Variants in SYT1 observed in about 807,000 individuals in gnomAD.
The protein encoded by SYT1 is synaptotagmin-1.
SYT1 carries 8 observed loss-of-function variants against 44.8 expected under a neutral mutation model. The observed-to-expected ratio is 0.18, with a 90% confidence interval of 0.10 to 0.32. The LOEUF (loss-of-function observed/expected upper bound fraction) is 0.32. Among genes scored for constraint, SYT1 ranks in the 10% least tolerant of loss-of-function variants. The pLI, the probability that SYT1 is intolerant of heterozygous loss-of-function variation, is 1.00. For synonymous variants in SYT1, 154 were observed against 188.8 expected (o/e 0.82, Z 1.51); for missense variants, 286 against 509.3 (o/e 0.56, Z 4.22).
At chr12:79,362,428 A>G (rs1883352776) in intron 9 of SYT1, among the ~76,000 whole-genome samples, 1 of 152,102 alleles carries the variant, frequency 6.6e-6, no homozygotes, top group African/African-American at 2.4e-5. Flanking sequence ...CTTTTTTGCT[A>G]CCCCAAAAAA....
At chr12:79,161,687 G>T (rs1870959476) in intron 3 of SYT1, among the ~76,000 whole-genome samples, 1 of 152,152 alleles carries the variant, frequency 6.6e-6, no homozygotes, top group African/African-American at 2.4e-5. Context: ...CTGAGGTTTA[G>T]TAACATTCCC....
chr12:79,073,692 A>G (rs777896208), intron 3 of SYT1, among the ~76,000 whole-genome samples: 2 of 151,954 alleles, frequency 1.3e-5, no homozygotes, highest in African/African-American at 2.4e-5. Flanking sequence ...AGAAAAGCAA[A>G]TTTTTGCTTA....
At chr12:79,307,528 C>T (rs1310685883) in intron 8 of SYT1, among the ~76,000 whole-genome samples, 3 of 151,894 alleles carry the variant, frequency 2.0e-5, no homozygotes, top group African/African-American at 7.3e-5. Context: ...CTGGAGTCCT[C>T]CCAGGAGCCA....
intron 3 of SYT1, among the ~76,000 whole-genome samples, chr12:79,105,751 G>A (rs544962371): frequency 2.6e-5 from 4 of 152,022 alleles, no homozygotes; most frequent in East Asian, 1.9e-4. Flanking sequence ...CTGGTGGCGG[G>A]CGCCTGTAGT....
At chr12:79,293,067 C>A (rs1206869640) in intron 6 of SYT1, among the ~76,000 whole-genome samples, 2 of 151,038 alleles carry the variant, frequency 1.3e-5, no homozygotes, top group Admixed American at 1.3e-4. Context: ...AATCCCAGCA[C>A]TTTGGGAGGC....
At chr12:79,198,143 G>T (rs539129701) in intron 3 of SYT1, among the ~76,000 whole-genome samples, 4 of 152,130 alleles carry the variant, frequency 2.6e-5, no homozygotes, top group African/African-American at 7.2e-5. Flanking sequence ...AATTAATTAG[G>T]AGGGAAAACA....
intron 9 of SYT1, among the ~76,000 whole-genome samples, chr12:79,370,778 TAAAAATA>T (rs1411961360): frequency 2.6e-5 from 4 of 151,252 alleles, no homozygotes; most frequent in East Asian, 3.9e-4. Flanking sequence ...ATAATAATAA[TAAAAATA>T]AAAAATAAAA....
In SYT1 at chr12:79,377,097, A is replaced by ATTTT. The variant is rs1884024604; in HGVS notation, c.928+23481_928+23484dup. On this transcript the variant is annotated intron_variant, in intron 9 of 10. Transcript: ENST00000261205. ...TCCCTTTTAGAGATGTTTATGTAAC[A>ATTTT]TTTTTTGTTTTTTTGTTTTGTTTTG... 3.6e-5 allele frequency among the ~76,000 whole-genome samples: 3 copies of ATTTT among 83,656 alleles called. No homozygotes were observed. In the South Asian group the frequency reaches 1.1e-3, roughly 31 times the overall value. The allele number at this position is 83,656 out of a possible 152,430, so 54.9% of individuals were successfully genotyped here. A position where few individuals can be genotyped will look rare whatever the true frequency, so the allele number is the denominator to read the frequency against.
At chr12:79,061,800 T>G (rs1004972037) in intron 3 of SYT1, among the ~76,000 whole-genome samples, 3 of 152,118 alleles carry the variant, frequency 2.0e-5, no homozygotes, top group Non-Finnish European at 4.4e-5. Context: ...ATGGGATGAT[T>G]GGTTAAAGTT....
rs1447073818 is a variant in SYT1, at chr12:79,066,741, A to G, written c.-18+19379A>G. On this transcript the variant is annotated intron_variant, in intron 3 of 10. Coordinates refer to ENST00000261205, the MANE Select transcript of SYT1 (RefSeq NM_005639.3). ...ATCAAAGATGCTTAAAAAAACAGAA[A>G]TGGGGAAAGGTGAGACAGATTTTCA... 3.3e-5 allele frequency among the ~76,000 whole-genome samples: 5 copies of G among 152,288 alleles called. No homozygotes were observed. In the East Asian group the frequency reaches 9.6e-4, roughly 29 times the overall value.
At chr12:78,900,639 G>A (rs957954624) in intron 1 of SYT1, among the ~76,000 whole-genome samples, 2 of 152,052 alleles carry the variant, frequency 1.3e-5, no homozygotes, top group Non-Finnish European at 2.9e-5. Flanking sequence ...CTGGAGGAAG[G>A]AAGTGGAGAA....
intron 9 of SYT1, among the ~76,000 whole-genome samples, chr12:79,429,775 A>C (rs1869671712): frequency 6.6e-6 from 1 of 152,030 alleles, no homozygotes; most frequent in South Asian, 2.1e-4. Flanking sequence ...GTGGATTTTT[A>C]ATTTATAACT....
intron 2 of SYT1, among the ~76,000 whole-genome samples, chr12:79,001,137 T>TA (rs1870711870): frequency 6.6e-6 from 1 of 152,174 alleles, no homozygotes; most frequent in Admixed American, 6.6e-5. Context: ...ATTTCTAGTT[T>TA]AAACTTTCAG....
chr12:79,090,794 T>G (rs1056539257), intron 3 of SYT1, among the ~76,000 whole-genome samples: 2 of 151,820 alleles, frequency 1.3e-5, no homozygotes, highest in East Asian at 1.9e-4. Flanking sequence ...TATGGAAGGG[T>G]AAGGGGAAGA....
chr12:79,002,329 T>C (rs754224218), intron 2 of SYT1, among the ~76,000 whole-genome samples: 2 of 152,102 alleles, frequency 1.3e-5, no homozygotes, highest in Non-Finnish European at 2.9e-5. Flanking sequence ...GCTGCTCCTT[T>C]ATTATAATTT....
At chr12:78,921,039 A>AT (rs1876962012) in intron 1 of SYT1, among the ~76,000 whole-genome samples, 2 of 151,898 alleles carry the variant, frequency 1.3e-5, no homozygotes. Context: ...TTTATTTAGT[A>AT]TTACAACTTT....
chr12:79,020,483 A>G (rs1018713889), intron 2 of SYT1, among the ~76,000 whole-genome samples: 7 of 152,088 alleles, frequency 4.6e-5, no homozygotes, highest in African/African-American at 1.4e-4. Context: ...TCAACTTTCT[A>G]TTTTTGTTTG....
chr12:79,317,188 G>A (rs1203700930), intron 8 of SYT1, among the ~76,000 whole-genome samples: 2 of 152,108 alleles, frequency 1.3e-5, no homozygotes, highest in East Asian at 1.9e-4. Context: ...CAGGGCTAGT[G>A]AACATCTCAG....
At chr12:79,010,818 A>G (rs1377295577) in intron 2 of SYT1, among the ~76,000 whole-genome samples, 3 of 152,212 alleles carry the variant, frequency 2.0e-5, no homozygotes, top group Admixed American at 2.0e-4. Context: ...TCATTTTATG[A>G]AGACAATTTT....
Sources: gnomAD v4.1 joint callset for allele counts (sites outside exome capture counted in the v4.1 genomes callset) on GRCh38, gnomAD v4.1.1 for gene constraint, MANE v1.5 for transcripts, NCBI Gene and HGNC (gene_info 2026-07-23, HGNC 2026-07-21) for gene names.